Variants in PPARGC1A observed in about 807,000 individuals in gnomAD.
The protein encoded by PPARGC1A is PPARG coactivator 1 alpha.
Under a neutral mutation model 88.7 loss-of-function variants are expected in PPARGC1A, and 25 were observed. The ratio of observed to expected loss-of-function variants is 0.28; its 90% CI spans 0.21 to 0.39. The LOEUF (loss-of-function observed/expected upper bound fraction) is 0.39. Among genes scored for constraint, PPARGC1A ranks in the 10% least tolerant of loss-of-function variants. PPARGC1A has a pLI of 1.00. For synonymous variants in PPARGC1A, 363 were observed against 355.6 expected (o/e 1.02, Z -0.24); for missense variants, 880 against 968.7 (o/e 0.91, Z 1.22).
At chr4:24,424,231 G>T in the PPARGC1A span, among the ~76,000 whole-genome samples, 1 of 98,504 alleles carries the variant, frequency 1.0e-5, no homozygotes. Flanking sequence ...AAAAAAAATT[G>T]TATGAAAGAG....
At chr4:24,472,335 CAAGGGGCGCGACGCCGCCCG>C in the PPARGC1A span, among the ~76,000 whole-genome samples, 1 of 144,600 alleles carries the variant, frequency 6.9e-6, no homozygotes, top group African/African-American at 2.5e-5. This position sits in a 1 kb window ranked among gnomAD's most constrained non-coding sequence, Gnocchi z 4.5. Context: ...CGGCAGGGGG[CAAGGGGCGCGACGCCGCCCG>C]GCACCGAGCC....
chr4:24,048,726 A>C, the PPARGC1A span, among the ~76,000 whole-genome samples: 1 of 152,170 alleles, frequency 6.6e-6, no homozygotes, highest in Non-Finnish European at 1.5e-5. Context: ...AATTTTGCTT[A>C]GCTATTCTTA....
At position 23,794,705 on chromosome 4, in the gene PPARGC1A, T is replaced by C. The variant is rs1717197512; in HGVS notation, c.*1117A>G. The C allele has an allele frequency of 6.6e-6, 1 of 152,492 alleles. No individual in the cohort carries two copies. The highest frequency in any genetic ancestry group is 6.6e-5 in the Admixed American group (1 of 15,254). 9.4% of individuals were successfully genotyped at this position (152,492 alleles called of 1,614,324 possible). ...CAAAAAAGAACATTGTTGTATAGTA[T>C]ATACATAAAATAAAAATACTCCATT... is the stretch of plus-strand genomic sequence containing the variant. On this transcript the variant is annotated 3_prime_UTR_variant, in exon 13 of 13. Coordinates refer to ENST00000264867, the MANE Select transcript of PPARGC1A (RefSeq NM_013261.5).
the PPARGC1A span, among the ~76,000 whole-genome samples, chr4:24,438,534 A>G: frequency 6.6e-6 from 1 of 152,342 alleles, no homozygotes; most frequent in Non-Finnish European, 1.5e-5. Flanking sequence ...CTTGTGTTTT[A>G]GAATTACCAT....
At chr4:23,966,340 C>G in the PPARGC1A span, among the ~76,000 whole-genome samples, 30 of 152,328 alleles carry the variant, frequency 2.0e-4, no homozygotes, top group Middle Eastern at 3.4e-3. Flanking sequence ...CTAGCCACCC[C>G]TGTGTGGCTG....
At chr4:24,042,248 C>T in the PPARGC1A span, among the ~76,000 whole-genome samples, 188 of 152,298 alleles carry the variant, frequency 1.2e-3, 2 homozygotes, top group African/African-American at 4.3e-3. Context: ...TTTATTAACA[C>T]TGGTGGCTTC....
the PPARGC1A span, among the ~76,000 whole-genome samples, chr4:24,076,982 GTCTTATT>G: frequency 2.2e-4 from 34 of 151,714 alleles, no homozygotes; most frequent in Admixed American, 2.0e-3. Context: ...GTTAATAATT[GTCTTATT>G]TCTTATTTCC....
At chr4:24,292,385 C>T in the PPARGC1A span, among the ~76,000 whole-genome samples, 22 of 151,850 alleles carry the variant, frequency 1.4e-4, no homozygotes, top group Admixed American at 9.8e-4. Context: ...TAAGCTGGTA[C>T]CCAAGACCCA....
At chr4:24,170,320 G>A in the PPARGC1A span, among the ~76,000 whole-genome samples, 1 of 152,134 alleles carries the variant, frequency 6.6e-6, no homozygotes, top group East Asian at 1.9e-4. Flanking sequence ...AATGCCTTGG[G>A]TATTGACAGA....
At chr4:23,995,458 C>T in the PPARGC1A span, among the ~76,000 whole-genome samples, 1 of 152,176 alleles carries the variant, frequency 6.6e-6, no homozygotes, top group Admixed American at 6.5e-5. Context: ...CTTAATATCC[C>T]TCAGTGGTCC....
chr4:24,155,597 T>TC, the PPARGC1A span, among the ~76,000 whole-genome samples: 106 of 111,990 alleles, frequency 9.5e-4, no homozygotes, highest in African/African-American at 4.6e-3. Flanking sequence ...CAAAACCCTG[T>TC]CAAAAAAAAA....
intron 2 of PPARGC1A, chr4:23,866,224 T>C (rs1711954137): frequency 1.6e-5 from 2 of 122,042 alleles, no homozygotes; most frequent in South Asian, 5.4e-4. Flanking sequence ...TCATTTGCTA[T>C]GGTACAGCTC....
At chr4:23,952,444 C>T in the PPARGC1A span, among the ~76,000 whole-genome samples, 1 of 152,038 alleles carries the variant, frequency 6.6e-6, no homozygotes, top group African/African-American at 2.4e-5. Flanking sequence ...TTTTTCACTT[C>T]CTCCCTGCTC....
the PPARGC1A span, among the ~76,000 whole-genome samples, chr4:24,458,756 A>T: frequency 6.6e-6 from 1 of 152,206 alleles, no homozygotes; most frequent in Non-Finnish European, 1.5e-5. Flanking sequence ...ATGGTTAAAT[A>T]AATGGTTCTA....
chr4:23,799,381 CACAA>C (rs1414594426), intron 12 of PPARGC1A, among the ~76,000 whole-genome samples: 1 of 152,164 alleles, frequency 6.6e-6, no homozygotes, highest in Non-Finnish European at 1.5e-5. Flanking sequence ...CTAATAGCAT[CACAA>C]ACATTTATTT....
chr4:23,804,633 T>G (rs1226088377), intron 10 of PPARGC1A, among the ~76,000 whole-genome samples: 1 of 152,230 alleles, frequency 6.6e-6, no homozygotes, highest in Non-Finnish European at 1.5e-5. Context: ...AGGCCCTGTA[T>G]GGTCTGGGCC....
At chr4:24,344,801 T>C in the PPARGC1A span, among the ~76,000 whole-genome samples, 1 of 152,196 alleles carries the variant, frequency 6.6e-6, no homozygotes, top group Non-Finnish European at 1.5e-5. Flanking sequence ...CATTTGCTTT[T>C]GGGTTCTTGG....
chr4:23,818,839 C>CTTTTTTTT (rs762478316), intron 7 of PPARGC1A, among the ~76,000 whole-genome samples: 1 of 49,004 alleles, frequency 2.0e-5, no homozygotes, highest in Non-Finnish European at 3.6e-5. Context: ...CCAATGGCAT[C>CTTTTTTTT]TTTTTTTTTT....
chr4:24,178,232 G>A, the PPARGC1A span, among the ~76,000 whole-genome samples: 6 of 152,128 alleles, frequency 3.9e-5, no homozygotes, highest in South Asian at 2.1e-4. Context: ...AAATTGAATC[G>A]ATGCCTTCCA....
Sources: allele counts gnomAD v4.1 joint callset (sites outside exome capture counted in the v4.1 genomes callset), GRCh38; gene constraint gnomAD v4.1.1; non-coding constraint Gnocchi (gnomAD v3.1); transcripts MANE v1.5; gene names NCBI Gene and HGNC (gene_info 2026-07-23, HGNC 2026-07-21).